The following MAML3 variants were observed in gnomAD, a reference collection of about 807,000 sequenced individuals.
MAML3 encodes the protein mastermind-like protein 3.
In MAML3, 27 loss-of-function variants were observed where a neutral mutation model predicts 101.9. That is an observed-to-expected ratio of 0.27 (90% CI 0.20 to 0.37). The LOEUF (loss-of-function observed/expected upper bound fraction) is 0.37. Among genes scored for constraint, MAML3 ranks in the 10% least tolerant of loss-of-function variants. The pLI is 1.00. For synonymous variants in MAML3, 501 were observed against 555.9 expected (o/e 0.90, Z 1.39); for missense variants, 1,316 against 1,444.9 (o/e 0.91, Z 1.45).
intron 1 of MAML3, among the ~76,000 whole-genome samples, chr4:140,037,820 G>A (rs1356520524): frequency 6.6e-6 from 1 of 152,182 alleles, no homozygotes; most frequent in East Asian, 1.9e-4. Context: ...ACTCTCAGCA[G>A]GCACCCTGAT....
At chr4:139,757,896 G>A (rs985221225) in intron 2 of MAML3, among the ~76,000 whole-genome samples, 1 of 152,002 alleles carries the variant, frequency 6.6e-6, no homozygotes, top group African/African-American at 2.4e-5. Flanking sequence ...TCACACCCAG[G>A]AAGCCCTCCC....
At chr4:139,977,873 AAAAAAACAAAAAAC>A (rs370325687) in intron 1 of MAML3, among the ~76,000 whole-genome samples, 2 of 151,630 alleles carry the variant, frequency 1.3e-5, no homozygotes, top group Non-Finnish European at 2.9e-5. Context: ...ACTCCCTAAC[AAAAAAACAAAAAAC>A]AAAAAACAAA....
intron 1 of MAML3, among the ~76,000 whole-genome samples, chr4:139,951,529 G>A (rs1451404783): frequency 2.0e-5 from 3 of 152,200 alleles, no homozygotes; most frequent in East Asian, 1.9e-4. Flanking sequence ...CTTGGTCCCC[G>A]CATTTCTATT....
chr4:139,802,904 G>A (rs1057280191), intron 2 of MAML3, among the ~76,000 whole-genome samples: 3 of 152,100 alleles, frequency 2.0e-5, no homozygotes, highest in African/African-American at 7.2e-5. Flanking sequence ...AAATGTAAGA[G>A]GTATTATTAC....
intron 2 of MAML3, among the ~76,000 whole-genome samples, chr4:139,732,609 T>C (rs1728771707): frequency 6.6e-6 from 1 of 152,052 alleles, no homozygotes; most frequent in African/African-American, 2.4e-5. Context: ...TAGCTTGTCT[T>C]TACTTTTTTA....
rs1732451396 is a variant in MAML3, at chr4:139,890,428, C to A, written c.1008G>T (p.Lys336Asn). The A allele has an allele frequency of 6.2e-7, 1 of 1,607,990 alleles. No homozygotes were observed. The highest frequency in any genetic ancestry group is 1.3e-5 in the African/African-American group (1 of 74,720). The change falls in exon 2 of 5, where the codon AAG becomes AAT. Residue 336 changes from lysine to asparagine, a missense_variant. Physicochemically the swap from Lys to Asn is moderately conservative, Grantham distance 94. Coordinates refer to ENST00000509479, the MANE Select transcript of MAML3 (RefSeq NM_018717.5). This position sits in a 1 kb window ranked among gnomAD's most constrained non-coding sequence, Gnocchi z 4.1. ...QDLFNEDFEEKKEPEFSQPAT... is the reference protein window; with the variant it reads ...QDLFNEDFEENKEPEFSQPAT... ...CTGGCTGCGAGAATTCTGGCTCCTT[C>A]TTCTCTTCAAAGTCTTCGTTGAACA...
At chr4:139,827,326 G>C (rs1284612169) in intron 2 of MAML3, among the ~76,000 whole-genome samples, 1 of 152,194 alleles carries the variant, frequency 6.6e-6, no homozygotes, top group African/African-American at 2.4e-5. Context: ...TCTCAGCAAT[G>C]CCATTCACCA....
Position 140,123,607 on chromosome 4 carries a change from A to G in MAML3, c.468+29253T>C, listed in dbSNP as rs530048471. Among the ~76,000 whole-genome samples the G allele has an allele frequency of 3.9e-5, 6 of 152,330 alleles. No individual in the cohort carries two copies. The South Asian group carries it at 1.2e-3, about 32-fold the overall frequency. On this transcript the variant is annotated intron_variant, in intron 1 of 4. Coordinates refer to ENST00000509479, the MANE Select transcript of MAML3 (RefSeq NM_018717.5). ...AGGGATGTCATTTCGAGCCACAGAA[A>G]AAAAGTACAGCCTACCCCATCAGAA...
chr4:139,789,996 T>C (rs193249531), intron 2 of MAML3, among the ~76,000 whole-genome samples: 13 of 152,034 alleles, frequency 8.6e-5, no homozygotes, highest in Admixed American at 3.3e-4. Context: ...ACTGTGGGAA[T>C]GTAGGACATT....
At chr4:139,912,963 T>A (rs1194130663) in intron 1 of MAML3, among the ~76,000 whole-genome samples, 1 of 151,752 alleles carries the variant, frequency 6.6e-6, no homozygotes, top group Non-Finnish European at 1.5e-5. Flanking sequence ...AGGGCATGAA[T>A]CTGCAGTAGG....
In MAML3 at chr4:140,141,313, G is replaced by A. The variant is rs562416699; in HGVS notation, c.468+11547C>T. 2.3e-4 allele frequency among the ~76,000 whole-genome samples: 35 copies of A among 152,258 alleles called. 1 individual carries two copies. In the East Asian group the frequency reaches 4.8e-3, roughly 21 times the overall value. On this transcript the variant is annotated intron_variant, in intron 1 of 4. Transcript: ENST00000509479. The stretch of plus-strand genomic sequence containing the variant: ...AAACAAATGCTATAAGGTGCCTGTC[G>A]AAGCAAGTCCATTTTGATGCATTTT...
intron 2 of MAML3, among the ~76,000 whole-genome samples, chr4:139,858,854 T>G (rs1731715550): frequency 6.6e-6 from 1 of 152,100 alleles, no homozygotes. Flanking sequence ...ACTGAGAAAT[T>G]TAGAATATGA....
intron 1 of MAML3, among the ~76,000 whole-genome samples, chr4:140,094,340 G>A (rs1728113665): frequency 2.0e-5 from 3 of 152,196 alleles, no homozygotes; most frequent in African/African-American, 7.2e-5. Context: ...CTATCCTCCG[G>A]CTATATGCTC....
intron 1 of MAML3, among the ~76,000 whole-genome samples, chr4:140,113,923 T>A (rs773168579): frequency 5.3e-5 from 8 of 152,194 alleles, no homozygotes; most frequent in Non-Finnish European, 1.2e-4. Context: ...ATGTTCTCAG[T>A]ATCTGCTCCC....
chr4:140,001,419 C>T (rs1326515546), intron 1 of MAML3, among the ~76,000 whole-genome samples: 1 of 152,186 alleles, frequency 6.6e-6, no homozygotes, highest in Non-Finnish European at 1.5e-5. Flanking sequence ...GTGCTTAAAA[C>T]ATACCCCCAA....
At chr4:140,133,930 T>G (rs1728839415) in intron 1 of MAML3, 1 of 349,442 alleles carries the variant, frequency 2.9e-6, no homozygotes, top group African/African-American at 2.1e-5. Flanking sequence ...ATTTGATTTT[T>G]TACCCATACT....
At chr4:139,795,602 A>G (rs569580374) in intron 2 of MAML3, among the ~76,000 whole-genome samples, 1 of 152,240 alleles carries the variant, frequency 6.6e-6, no homozygotes, top group African/African-American at 2.4e-5. Flanking sequence ...ATTTCTGGTA[A>G]GTAACGGACT....
intron 1 of MAML3, among the ~76,000 whole-genome samples, chr4:140,140,761 C>A (rs1728967355): frequency 6.6e-6 from 1 of 152,148 alleles, no homozygotes; most frequent in Non-Finnish European, 1.5e-5. Flanking sequence ...GCCACATGTA[C>A]CTTGTACAAG....
chr4:139,916,518 A>C (rs1184831488), intron 1 of MAML3, among the ~76,000 whole-genome samples: 1 of 152,198 alleles, frequency 6.6e-6, no homozygotes, highest in Non-Finnish European at 1.5e-5. Flanking sequence ...ATCACTACTG[A>C]AGCGCCGATA....
Sources: gnomAD v4.1 joint callset for allele counts (sites outside exome capture counted in the v4.1 genomes callset) on GRCh38, gnomAD v4.1.1 for gene constraint, Gnocchi (gnomAD v3.1) non-coding constraint, MANE v1.5 for transcripts, NCBI Gene and HGNC (gene_info 2026-07-23, HGNC 2026-07-21) for gene names.